EPB41L2: variants seen among roughly 807,000 people sequenced by gnomAD.
The protein encoded by EPB41L2 is erythrocyte membrane protein band 4.1 like 2.
Under a neutral mutation model 113.0 loss-of-function variants are expected in EPB41L2, and 43 were observed. That is an observed-to-expected ratio of 0.38 (90% CI 0.30 to 0.49). EPB41L2 has a LOEUF of 0.49. Ranked by LOEUF, EPB41L2 falls within the 20% of genes least tolerant of loss-of-function variation. EPB41L2 has a pLI of 0.95. For synonymous variants in EPB41L2, 442 were observed against 436.7 expected, an observed-to-expected ratio of 1.01 and a Z score of -0.15; for missense variants, 1,147 against 1,223.4, an observed-to-expected ratio of 0.94 and a Z score of 0.93.
Position 130,926,696 on chromosome 6 carries a change from C to T in EPB41L2, c.719G>A (p.Gly240Glu). The T allele has an allele frequency of 6.2e-7, 1 of 1,600,266 alleles. No individual in the cohort carries two copies. Among genetic ancestry groups the T allele is most frequent in the Non-Finnish European group, 8.5e-7 (1 of 1,176,276 alleles). ...YSCDLEKHAK[G>E]QVLFDKVCEH... ...ACACACTTTGTCAAATAACACTTGT[C>T]CCTTGGCATGTTTCTGGAGAAAAAA... Residue 240 changes from glycine (G) to glutamate (E), a missense_variant, in exon 4 of 20, where the codon GGA (glycine) becomes GAA (glutamate). Gly to Glu is a moderately conservative substitution (Grantham distance 98). Transcript: ENST00000337057.
At chr6:130,847,492 G>GT (rs35185720) in intron 19 of EPB41L2, among the ~76,000 whole-genome samples, 46,420 of 151,908 alleles carry the variant, frequency 0.31, 8,107 homozygotes, top group East Asian at 0.45. Flanking sequence ...AATTTGTAAC[G>GT]TAAGACTGAA....
At chr6:130,870,320 G>A in intron 14 of EPB41L2, 194 bp from the exon 15 acceptor site, 1 of 1,550,748 alleles carries the variant, frequency 6.4e-7, no homozygotes, top group Non-Finnish European at 8.7e-7. Context: ...ATGGAAAAAG[G>A]GGAGAACCTT....
intron 12 of EPB41L2, chr6:130,881,099 A>G (rs1231720393): frequency 6.6e-6 from 1 of 152,232 alleles, no homozygotes; most frequent in African/African-American, 2.4e-5. Flanking sequence ...TGATGATTCA[A>G]AAGAATGAAT....
intron 19 of EPB41L2, among the ~76,000 whole-genome samples, chr6:130,849,673 T>C (rs1778183663): frequency 6.6e-6 from 1 of 152,192 alleles, no homozygotes; most frequent in African/African-American, 2.4e-5. Flanking sequence ...ATGCAAATTA[T>C]ATGTGTGTGT....
chr6:130,935,694 T>A (rs879625568), intron 3 of EPB41L2, among the ~76,000 whole-genome samples: 2 of 152,208 alleles, frequency 1.3e-5, no homozygotes, highest in Non-Finnish European at 2.9e-5. Flanking sequence ...TAATATCTCA[T>A]TCATAACTAC....
chr6:130,970,048 A>C (rs1029622450), intron 1 of EPB41L2, among the ~76,000 whole-genome samples: 1 of 152,198 alleles, frequency 6.6e-6, no homozygotes, highest in Non-Finnish European at 1.5e-5. Flanking sequence ...CAATGGAAAA[A>C]TGTATTTTTC....
intron 3 of EPB41L2, among the ~76,000 whole-genome samples, chr6:130,931,595 G>A (rs532402617): frequency 4.6e-5 from 7 of 152,014 alleles, no homozygotes; most frequent in East Asian, 1.9e-4. Flanking sequence ...AATCAAACTC[G>A]ATTGGGTCGG....
At chr6:131,046,404 C>G (rs529591730) in intron 1 of EPB41L2, among the ~76,000 whole-genome samples, 1 of 152,178 alleles carries the variant, frequency 6.6e-6, no homozygotes, top group African/African-American at 2.4e-5. Context: ...GGACTTGAGG[C>G]TAGAACAATT....
rs1043596 is a variant in EPB41L2, at chr6:130,840,364, T to C, written c.*240A>G. On this transcript the variant is annotated 3_prime_UTR_variant, in exon 20 of 20. Coordinates refer to ENST00000337057, the MANE Select transcript of EPB41L2 (RefSeq NM_001431.4). Reference sequence around the variant, plus strand: ...ATTAACAACAACAAAAAGAAAGAACTGAGAATATTTAGAAGTGGTTATAAA... The same window carrying C: ...ATTAACAACAACAAAAAGAAAGAACCGAGAATATTTAGAAGTGGTTATAAA... 0.38 allele frequency: 57,954 copies of C among 152,066 alleles called. 11,752 individuals are homozygous for C. Among genetic ancestry groups the C allele is most frequent in the African/African-American group, 0.53 (21,882 of 41,416 alleles). 9.4% of individuals were successfully genotyped at this position (152,066 alleles called of 1,614,324 possible).
At chr6:131,041,568 A>G (rs757673121) in intron 1 of EPB41L2, among the ~76,000 whole-genome samples, 2 of 152,188 alleles carry the variant, frequency 1.3e-5, no homozygotes, top group Non-Finnish European at 2.9e-5. Flanking sequence ...CTTGAATCTG[A>G]GTAAGCCCCA....
intron 3 of EPB41L2, among the ~76,000 whole-genome samples, chr6:130,927,073 C>A (rs183413726): frequency 2.0e-5 from 3 of 152,286 alleles, no homozygotes; most frequent in Admixed American, 2.0e-4. Flanking sequence ...GTACACTACT[C>A]CCCAGGAAAA....
chr6:131,048,699 C>A (rs1225663755), intron 1 of EPB41L2, among the ~76,000 whole-genome samples: 4 of 152,066 alleles, frequency 2.6e-5, no homozygotes, highest in African/African-American at 7.2e-5. Context: ...TGAAGCCAGG[C>A]GAGGATACGC....
intron 10 of EPB41L2, among the ~76,000 whole-genome samples, chr6:130,893,777 G>T (rs926140432): frequency 6.6e-6 from 1 of 152,208 alleles, no homozygotes; most frequent in Non-Finnish European, 1.5e-5. Flanking sequence ...GAGGAGAGTA[G>T]TTTGAGGGGG....
chr6:130,951,043 G>A (rs1319257848), intron 3 of EPB41L2, among the ~76,000 whole-genome samples: 2 of 151,896 alleles, frequency 1.3e-5, no homozygotes, highest in Non-Finnish European at 2.9e-5. Context: ...ATAAAAAGAT[G>A]GTGAGGAGTT....
intron 1 of EPB41L2, among the ~76,000 whole-genome samples, chr6:130,968,570 A>G (rs1281785731): frequency 2.6e-5 from 4 of 152,184 alleles, no homozygotes; most frequent in Non-Finnish European, 5.9e-5. Flanking sequence ...AAGCATATCC[A>G]AATGTTGGCC....
At chr6:130,985,024 AG>A (rs1351967383) in intron 1 of EPB41L2, among the ~76,000 whole-genome samples, 4 of 152,198 alleles carry the variant, frequency 2.6e-5, no homozygotes, top group Non-Finnish European at 5.9e-5. Context: ...TGATAGTGAC[AG>A]GAGGCAGCCA....
At chr6:130,917,835 G>A (rs999435873) in intron 4 of EPB41L2, among the ~76,000 whole-genome samples, 2 of 152,140 alleles carry the variant, frequency 1.3e-5, no homozygotes, top group African/African-American at 2.4e-5. Context: ...CCCAGAGTTC[G>A]AAGTTTCTCA....
chr6:130,868,032 T>C (rs923884418), intron 15 of EPB41L2: 5 of 167,346 alleles, frequency 3.0e-5, no homozygotes, highest in African/African-American at 1.2e-4. Flanking sequence ...CAAGTAATAA[T>C]AAATTGAAAA....
intron 5 of EPB41L2, among the ~76,000 whole-genome samples, chr6:130,904,921 T>A (rs1315917554): frequency 1.2e-5 from 1 of 80,110 alleles, no homozygotes; most frequent in African/African-American, 4.9e-5. Context: ...CCACCCTTTT[T>A]TTTTTTTTTA....
Sources: allele counts gnomAD v4.1 joint callset (sites outside exome capture counted in the v4.1 genomes callset), GRCh38; gene constraint gnomAD v4.1.1; transcripts MANE v1.5; gene names NCBI Gene and HGNC (gene_info 2026-07-23, HGNC 2026-07-21).